The following CTNNA3 variants were observed in gnomAD, a reference collection of about 807,000 sequenced individuals.
The protein encoded by CTNNA3 is catenin alpha 3, also known as catenin alpha-3.
CTNNA3 carries 76 observed loss-of-function variants against 95.7 expected under a neutral mutation model. That is an observed-to-expected ratio of 0.79 (90% CI 0.66 to 0.96). The LOEUF is 0.96. Among genes scored for constraint, CTNNA3 ranks in the 40% least tolerant of loss-of-function variants. CTNNA3 has a pLI of 0.00. For synonymous variants in CTNNA3, 431 were observed against 374.4 expected (o/e 1.15, Z -1.74); for missense variants, 1,191 against 1,089.8 (o/e 1.09, Z -1.31).
chr10:66,667,523 A>G (rs950117064), intron 9 of CTNNA3, among the ~76,000 whole-genome samples: 1 of 152,158 alleles, frequency 6.6e-6, no homozygotes, highest in Non-Finnish European at 1.5e-5. Context: ...ACATTTCCTT[A>G]CATAAAATCC....
At chr10:66,155,734 A>G (rs995999828) in intron 13 of CTNNA3, among the ~76,000 whole-genome samples, 5 of 151,974 alleles carry the variant, frequency 3.3e-5, no homozygotes, top group African/African-American at 9.7e-5. Context: ...AGTAAAATAT[A>G]AAACAATAAA....
At chr10:67,485,950 A>T (rs1478278620) in intron 5 of CTNNA3, among the ~76,000 whole-genome samples, 1 of 152,192 alleles carries the variant, frequency 6.6e-6, no homozygotes, top group Non-Finnish European at 1.5e-5. Flanking sequence ...CCCTACAGGG[A>T]TATAAATAAT....
At chr10:66,041,009 C>A (rs1323697792) in intron 15 of CTNNA3, among the ~76,000 whole-genome samples, 1 of 152,108 alleles carries the variant, frequency 6.6e-6, no homozygotes, top group African/African-American at 2.4e-5. Flanking sequence ...TGTAACTTTA[C>A]AGGGGAGAAA....
chr10:66,604,985 T>A (rs573089774), intron 10 of CTNNA3, among the ~76,000 whole-genome samples: 1 of 152,126 alleles, frequency 6.6e-6, no homozygotes, highest in Non-Finnish European at 1.5e-5. Context: ...GAAGTAGAAT[T>A]CAGAATATGG....
chr10:65,930,494 T>C (rs1195726917), intron 17 of CTNNA3, among the ~76,000 whole-genome samples: 1 of 152,172 alleles, frequency 6.6e-6, no homozygotes, highest in Non-Finnish European at 1.5e-5. Context: ...TCAAAACATC[T>C]TGACTAGGAA....
intron 10 of CTNNA3, among the ~76,000 whole-genome samples, chr10:66,600,479 A>AAAG: frequency 2.0e-5 from 3 of 151,860 alleles, no homozygotes; most frequent in Non-Finnish European, 4.4e-5. Flanking sequence ...AGCTTTGACT[A>AAAG]CTAGATTTTT....
chr10:66,496,119 T>C (rs935847120), intron 11 of CTNNA3, among the ~76,000 whole-genome samples: 1 of 152,194 alleles, frequency 6.6e-6, no homozygotes, highest in East Asian at 1.9e-4. Context: ...TTCAGTTAAC[T>C]GAACATTTAG....
At chr10:67,452,600 T>G (rs1847030187) in intron 5 of CTNNA3, among the ~76,000 whole-genome samples, 1 of 152,232 alleles carries the variant, frequency 6.6e-6, no homozygotes, top group African/African-American at 2.4e-5. Flanking sequence ...ACATTTGCTA[T>G]GAAGTGACTG....
intron 7 of CTNNA3, among the ~76,000 whole-genome samples, chr10:67,163,195 T>G (rs1235879584): frequency 6.6e-6 from 1 of 151,798 alleles, no homozygotes; most frequent in East Asian, 1.9e-4. Flanking sequence ...TACTCTTCAT[T>G]AATAGAGATG....
chr10:67,715,317 C>T (rs191759839), intron 1 of CTNNA3, among the ~76,000 whole-genome samples: 450 of 152,184 alleles, frequency 3.0e-3, no homozygotes, highest in Middle Eastern at 0.01. Flanking sequence ...AAAAGCTCCA[C>T]CTCAATTTTA....
chr10:66,484,610 G>GA lies in CTNNA3; in HGVS notation c.1531+36006dup, dbSNP rs1331544398. On this transcript the variant is annotated intron_variant, in intron 11 of 17. Coordinates refer to ENST00000433211, the MANE Select transcript of CTNNA3 (RefSeq NM_013266.4). ...CAAGAATAACCCTTACTGGGAATCA[G>GA]AAAAACTATATAAATAAAACCTGAG... is the stretch of plus-strand genomic sequence containing the variant. 1.3e-5 allele frequency among the ~76,000 whole-genome samples: 2 copies of GA among 151,872 alleles called. 1 individual carries two copies. Among genetic ancestry groups the GA allele is most frequent in the East Asian group, 3.9e-4 (2 of 5,186 alleles).
At chr10:66,239,963 G>A (rs1418615183) in intron 13 of CTNNA3, among the ~76,000 whole-genome samples, 1 of 151,802 alleles carries the variant, frequency 6.6e-6, no homozygotes, top group African/African-American at 2.4e-5. Flanking sequence ...CATATAGATG[G>A]ATCTACATGG....
At chr10:66,401,883 T>C (rs752749047) in intron 11 of CTNNA3, among the ~76,000 whole-genome samples, 5 of 152,046 alleles carry the variant, frequency 3.3e-5, no homozygotes, top group Admixed American at 3.3e-4. Context: ...GGTCTCAAAC[T>C]CCTGACCTCA....
intron 11 of CTNNA3, among the ~76,000 whole-genome samples, chr10:66,506,853 T>C (rs1646748426): frequency 6.6e-6 from 1 of 152,188 alleles, no homozygotes. Flanking sequence ...GGTTGAAGAA[T>C]AATGTATAAG....
chr10:66,235,417 C>T (rs1380590348), intron 13 of CTNNA3, among the ~76,000 whole-genome samples: 1 of 149,886 alleles, frequency 6.7e-6, no homozygotes, highest in Non-Finnish European at 1.5e-5. Context: ...AGATATAATA[C>T]CAACTTATGG....
chr10:66,813,931 G>C (rs1841979001), intron 7 of CTNNA3, among the ~76,000 whole-genome samples: 1 of 151,940 alleles, frequency 6.6e-6, no homozygotes. Context: ...CACACAAGAA[G>C]CTCTCATGTG....
intron 9 of CTNNA3, among the ~76,000 whole-genome samples, chr10:66,709,885 T>G (rs773223821): frequency 6.6e-6 from 1 of 152,112 alleles, no homozygotes; most frequent in Non-Finnish European, 1.5e-5. Flanking sequence ...ATGTGTAAAT[T>G]TCGCTGTTGT....
rs183748069 is a variant in CTNNA3 at position 66,283,220 on chromosome 10, T to C, written c.1733-2599A>G. On this transcript the variant is annotated intron_variant, in intron 12 of 17. Coordinates refer to ENST00000433211, the MANE Select transcript of CTNNA3 (RefSeq NM_013266.4). ...AAAATGGCTTCTAGCCTCTGTGATATGCTCTATTCACTCCAAAGACATAGT... is the reference window on the plus strand; with the variant it reads ...AAAATGGCTTCTAGCCTCTGTGATACGCTCTATTCACTCCAAAGACATAGT... Among the ~76,000 whole-genome samples the C allele has an allele frequency of 5.0e-3, 765 of 151,924 alleles. 8 individuals carry two copies. The highest frequency in any genetic ancestry group is 0.018 in the African/African-American group (732 of 41,518).
chr10:67,720,846 C>T (rs555750464), intron 1 of CTNNA3, among the ~76,000 whole-genome samples: 8 of 152,070 alleles, frequency 5.3e-5, no homozygotes, highest in East Asian at 3.9e-4. Flanking sequence ...CCCAGCTACA[C>T]GGGAGGCTGA....
Sources: allele counts gnomAD v4.1 joint callset (sites outside exome capture counted in the v4.1 genomes callset), GRCh38; gene constraint gnomAD v4.1.1; transcripts MANE v1.5; gene names NCBI Gene and HGNC (gene_info 2026-07-23, HGNC 2026-07-21).